The following NAV3 variants were observed in gnomAD, a reference collection of about 807,000 sequenced individuals.
The protein encoded by NAV3 is neuron navigator 3.
A neutral mutation model predicts 244.7 loss-of-function variants in NAV3; 87 were observed. That is an observed-to-expected ratio of 0.36 (90% CI 0.30 to 0.42). The LOEUF (loss-of-function observed/expected upper bound fraction) is 0.42. NAV3 is among the 20% of genes least tolerant of loss of function. The pLI is 1.00. For missense variants in NAV3, 2,663 were observed against 2,893.3 expected (o/e 0.92, Z 1.83); for synonymous variants, 1,126 against 1,042.2 (o/e 1.08, Z -1.55).
intron 2 of NAV3, among the ~76,000 whole-genome samples, chr12:77,746,696 A>G (rs147793708): frequency 2.2e-3 from 335 of 152,248 alleles, no homozygotes; most frequent in African/African-American, 7.7e-3. Flanking sequence ...AAAGTGACAC[A>G]ATGACTTTGA....
chr12:78,002,451 G>A (rs1873467457), intron 7 of NAV3, among the ~76,000 whole-genome samples: 1 of 152,158 alleles, frequency 6.6e-6, no homozygotes, highest in African/African-American at 2.4e-5. Context: ...ACACAACACA[G>A]AATTAATAAG....
At chr12:77,797,437 A>T (rs1242828500) in intron 2 of NAV3, among the ~76,000 whole-genome samples, 1 of 150,588 alleles carries the variant, frequency 6.6e-6, no homozygotes, top group Non-Finnish European at 1.5e-5. Context: ...TATAGATTTT[A>T]TTATATATTT....
chr12:78,059,237 A>G (rs1325103348), intron 12 of NAV3, 122 bp downstream of exon 12: 1 of 900,936 alleles, frequency 1.1e-6, no homozygotes, highest in Non-Finnish European at 1.6e-6. Context: ...ATAAATAATT[A>G]TTTTATTTTG....
intron 1 of NAV3, among the ~76,000 whole-genome samples, chr12:77,864,060 TTGGTACATCACACACAATAAAAG>T (rs1275989009): frequency 6.6e-6 from 1 of 151,904 alleles, no homozygotes; most frequent in African/African-American, 2.4e-5. Flanking sequence ...GTGCACAGTT[TTGGTACATCACACACAATAAAAG>T]CCTAAACATG....
At chr12:78,117,158 C>CTTATATATAT (rs1555292748) in intron 13 of NAV3, among the ~76,000 whole-genome samples, 2,844 of 70,230 alleles carry the variant, frequency 0.04, 522 homozygotes, top group Middle Eastern at 0.049. Context: ...ACAGAAGCAG[C>CTTATATATAT]ATATATATAT....
At chr12:77,730,799 A>G (rs711145) in intron 2 of NAV3, among the ~76,000 whole-genome samples, 83,865 of 150,172 alleles carry the variant, frequency 0.56, 23,935 homozygotes, top group East Asian at 0.87. Flanking sequence ...AAGACAAAAA[A>G]GCACATAATC....
intron 3 of NAV3, among the ~76,000 whole-genome samples, chr12:77,949,505 C>A (rs1422053446): frequency 1.3e-5 from 2 of 151,908 alleles, no homozygotes; most frequent in African/African-American, 4.8e-5. Context: ...TCTCCTCCTC[C>A]TCCACTTCCT....
chr12:77,615,887 T>G (rs1592506384), intron 2 of NAV3, among the ~76,000 whole-genome samples: 3 of 152,314 alleles, frequency 2.0e-5, no homozygotes, highest in Admixed American at 2.0e-4. Flanking sequence ...ATCTCTTCCC[T>G]TGTTTAAATG....
intron 2 of NAV3, among the ~76,000 whole-genome samples, chr12:77,694,933 G>A (rs377356330): frequency 6.6e-6 from 1 of 152,150 alleles, no homozygotes; most frequent in Non-Finnish European, 1.5e-5. Context: ...GACACAGCAA[G>A]GTTCTTTCCA....
At chr12:77,678,319 G>A (rs1478509116) in intron 2 of NAV3, among the ~76,000 whole-genome samples, 1 of 152,040 alleles carries the variant, frequency 6.6e-6, no homozygotes, top group African/African-American at 2.4e-5. Context: ...TGGATTGACT[G>A]TTGTTTTTTT....
chr12:77,895,395 T>TA (rs1884475317), intron 1 of NAV3, among the ~76,000 whole-genome samples: 1 of 151,768 alleles, frequency 6.6e-6, no homozygotes, highest in Admixed American at 6.6e-5. Context: ...ATATAATTTG[T>TA]AAAACTTGCT....
chr12:77,593,393 TTC>T (rs1870005025), intron 2 of NAV3, among the ~76,000 whole-genome samples: 1 of 151,752 alleles, frequency 6.6e-6, no homozygotes. Context: ...CTCCCTGTCT[TTC>T]TCTCTTCCAA....
chr12:77,630,003 T>C (rs1446072973), intron 2 of NAV3, among the ~76,000 whole-genome samples: 1 of 152,182 alleles, frequency 6.6e-6, no homozygotes, highest in Non-Finnish European at 1.5e-5. Context: ...GGTCAATGAA[T>C]GGCAACAATT....
At chr12:77,720,003 C>A (rs1876538783) in intron 2 of NAV3, among the ~76,000 whole-genome samples, 1 of 152,010 alleles carries the variant, frequency 6.6e-6, no homozygotes, top group Admixed American at 6.6e-5. Context: ...TTTGGATTTT[C>A]TATTTCTTTC....
intron 2 of NAV3, among the ~76,000 whole-genome samples, chr12:77,779,139 G>C (rs111986464): frequency 6.6e-6 from 1 of 152,026 alleles, no homozygotes; most frequent in South Asian, 2.1e-4. Flanking sequence ...TCTTGTTTCC[G>C]CTACAAATAT....
intron 12 of NAV3, among the ~76,000 whole-genome samples, chr12:78,103,430 T>G (rs1954639171): frequency 6.6e-6 from 1 of 152,140 alleles, no homozygotes; most frequent in Non-Finnish European, 1.5e-5. Flanking sequence ...ACTCCAAACT[T>G]TCCCACATTT....
At chr12:77,852,703 A>G (rs74106569) in intron 1 of NAV3, among the ~76,000 whole-genome samples, 1,865 of 152,276 alleles carry the variant, frequency 0.012, 27 homozygotes, top group East Asian at 0.11. Flanking sequence ...CATACCATAA[A>G]TATGTTTCAT....
At chr12:77,664,540 GA>G (rs1324108874) in intron 2 of NAV3, among the ~76,000 whole-genome samples, 1 of 152,056 alleles carries the variant, frequency 6.6e-6, no homozygotes, top group East Asian at 1.9e-4. Flanking sequence ...ATGTTCTAGG[GA>G]AAATATATTA....
intron 1 of NAV3, among the ~76,000 whole-genome samples, chr12:77,873,263 TA>T (rs1881258569): frequency 1.3e-5 from 2 of 152,306 alleles, no homozygotes; most frequent in African/African-American, 4.8e-5. Context: ...GAAAATGGAT[TA>T]ATACAATACC....
Sources: allele counts gnomAD v4.1 joint callset (sites outside exome capture counted in the v4.1 genomes callset), GRCh38; gene constraint gnomAD v4.1.1; transcripts MANE v1.5; gene names NCBI Gene and HGNC (gene_info 2026-07-23, HGNC 2026-07-21).